Variants in UBE2R2 observed in about 807,000 individuals in gnomAD.
UBE2R2 encodes ubiquitin-conjugating enzyme E2 R2.
In UBE2R2, 1 loss-of-function variant was observed where a neutral mutation model predicts 27.8. The ratio of observed to expected loss-of-function variants is 0.04; its 90% CI spans 0.01 to 0.17. The LOEUF (loss-of-function observed/expected upper bound fraction) is 0.17, where lower values mean the gene tolerates loss of function less well. UBE2R2 is among the 10% of genes least tolerant of loss of function. The probability of loss-of-function intolerance (pLI) is 1.00; values close to 1 mark genes in which losing one functional copy is unlikely to be tolerated. For missense variants in UBE2R2, 100 were observed against 291.0 expected (o/e 0.34, Z 4.78); for synonymous variants, 106 against 113.3 (o/e 0.94, Z 0.41).
chr9:33,878,625 C>CA (rs912217786), intron 1 of UBE2R2, among the ~76,000 whole-genome samples: 41 of 151,260 alleles, frequency 2.7e-4, no homozygotes, highest in African/African-American at 8.7e-4. Flanking sequence ...CTCAAATTTA[C>CA]AAAAAAAAGG....
chr9:33,894,740 T>C (rs1382354421), intron 2 of UBE2R2, among the ~76,000 whole-genome samples: 2 of 152,116 alleles, frequency 1.3e-5, no homozygotes. Flanking sequence ...ATAAAAAAAA[T>C]TTTAAAATTG....
At chr9:33,879,651 C>T (rs887545607) in intron 1 of UBE2R2, among the ~76,000 whole-genome samples, 1 of 151,570 alleles carries the variant, frequency 6.6e-6, no homozygotes, top group Non-Finnish European at 1.5e-5. Context: ...TGGGGTTTCA[C>T]CATTTGCCCA....
At chr9:33,835,703 G>A (rs116357457) in intron 1 of UBE2R2, among the ~76,000 whole-genome samples, 2,462 of 151,552 alleles carry the variant, frequency 0.016, 60 homozygotes, top group African/African-American at 0.056. Context: ...GTGACATAGG[G>A]AGATCCCGTT....
At chr9:33,895,891 A>G (rs1358729189) in intron 2 of UBE2R2, among the ~76,000 whole-genome samples, 1 of 148,386 alleles carries the variant, frequency 6.7e-6, no homozygotes, top group South Asian at 2.1e-4. Context: ...TCCTGCCTCA[A>G]CCTGCTGAGC....
At chr9:33,827,528 C>G (rs1211482140) in intron 1 of UBE2R2, among the ~76,000 whole-genome samples, 3 of 151,964 alleles carry the variant, frequency 2.0e-5, no homozygotes, top group Non-Finnish European at 4.4e-5. Context: ...GAAATCCCAG[C>G]TACTTGGGAG....
intron 1 of UBE2R2, among the ~76,000 whole-genome samples, chr9:33,846,388 A>G (rs1820847123): frequency 6.6e-6 from 1 of 152,186 alleles, no homozygotes; most frequent in South Asian, 2.1e-4. Flanking sequence ...GTCTATGAAT[A>G]GTGTATTTTT....
At chr9:33,831,074 C>CAAAAAAAAAA (rs60428230) in intron 1 of UBE2R2, 2 of 88,254 alleles carry the variant, frequency 2.3e-5, no homozygotes, top group Non-Finnish European at 2.3e-5. Flanking sequence ...ACTGAACTAG[C>CAAAAAAAAAA]AAAAAAAAAA....
intron 4 of UBE2R2, among the ~76,000 whole-genome samples, chr9:33,914,718 C>G (rs373929051): frequency 2.0e-5 from 3 of 151,900 alleles, no homozygotes; most frequent in African/African-American, 7.3e-5. Context: ...ATCCCAGCTA[C>G]TCGGGAGGCT....
At chr9:33,913,383 T>C (rs6476428) in intron 4 of UBE2R2, among the ~76,000 whole-genome samples, 62,018 of 152,020 alleles carry the variant, frequency 0.41, 13,000 homozygotes, top group African/African-American at 0.49. Flanking sequence ...CTGGGCCTCC[T>C]GAGTAACTAA....
At chr9:33,904,068 GT>G (rs1208249581) in intron 3 of UBE2R2, among the ~76,000 whole-genome samples, 2 of 152,154 alleles carry the variant, frequency 1.3e-5, no homozygotes, top group East Asian at 3.8e-4. Flanking sequence ...ATACCTGGTG[GT>G]GCTCAGAACT....
chr9:33,838,043 G>A (rs1312132089), intron 1 of UBE2R2, among the ~76,000 whole-genome samples: 1 of 151,952 alleles, frequency 6.6e-6, no homozygotes, highest in Non-Finnish European at 1.5e-5. Flanking sequence ...TATCCATAGG[G>A]GGAGTTCCAA....
At chr9:33,869,771 A>G (rs1172413928) in intron 1 of UBE2R2, among the ~76,000 whole-genome samples, 1 of 151,748 alleles carries the variant, frequency 6.6e-6, no homozygotes, top group Non-Finnish European at 1.5e-5. Flanking sequence ...TTTTTTAATG[A>G]CTTTTTGCTT....
chr9:33,896,344 G>A (rs1354084303), intron 2 of UBE2R2, among the ~76,000 whole-genome samples: 1 of 152,086 alleles, frequency 6.6e-6, no homozygotes, highest in African/African-American at 2.4e-5. Context: ...TTAAATAGCA[G>A]TGGTGAAAGC....
chr9:33,845,880 C>A (rs1316166130), intron 1 of UBE2R2, among the ~76,000 whole-genome samples: 2 of 151,976 alleles, frequency 1.3e-5, no homozygotes, highest in Non-Finnish European at 2.9e-5. Flanking sequence ...CGGTGGCTCA[C>A]GCCTGTAATT....
chr9:33,883,835 T>A (rs1401582939), intron 1 of UBE2R2, among the ~76,000 whole-genome samples: 2 of 151,974 alleles, frequency 1.3e-5, no homozygotes, highest in African/African-American at 4.8e-5. Flanking sequence ...TTTTTTAATT[T>A]CAGTTTTTGT....
chr9:33,911,890 A>G (rs562127341), intron 3 of UBE2R2, 74 bp from the exon 4 acceptor site: 8 of 1,415,738 alleles, frequency 5.7e-6, no homozygotes, highest in East Asian at 2.4e-5. Flanking sequence ...TGATTGTACT[A>G]TCTTAAAAAG....
chr9:33,834,327 A>G (rs1029812875), intron 1 of UBE2R2, among the ~76,000 whole-genome samples: 2 of 151,720 alleles, frequency 1.3e-5, no homozygotes, highest in Non-Finnish European at 2.9e-5. Flanking sequence ...CAGCCTCCCA[A>G]GTAGCTGTAG....
At chr9:33,844,405 T>C (rs1820794359) in intron 1 of UBE2R2, among the ~76,000 whole-genome samples, 1 of 152,088 alleles carries the variant, frequency 6.6e-6, no homozygotes, top group Admixed American at 6.6e-5. Flanking sequence ...GTCTTCACCA[T>C]GTTGGTCAGG....
chr9:33,824,064 C>T (rs1403267355), intron 1 of UBE2R2, among the ~76,000 whole-genome samples: 1 of 152,174 alleles, frequency 6.6e-6, no homozygotes, highest in Non-Finnish European at 1.5e-5. Context: ...AATGAAGTTT[C>T]ACTTTTTGTT....
Sources: gnomAD v4.1 joint callset for allele counts (sites outside exome capture counted in the v4.1 genomes callset) on GRCh38, gnomAD v4.1.1 for gene constraint, MANE v1.5 for transcripts, NCBI Gene and HGNC (gene_info 2026-07-23, HGNC 2026-07-21) for gene names.